Variants in ESR1 observed in about 807,000 individuals in gnomAD.
ESR1 encodes the protein estrogen receptor.
In ESR1, 12 loss-of-function variants were observed where a neutral mutation model predicts 52.7. That is an observed-to-expected ratio of 0.23 (90% CI 0.15 to 0.37). ESR1 has a LOEUF of 0.37. Among genes scored for constraint, ESR1 ranks in the 10% least tolerant of loss-of-function variants. The pLI is 1.00. For synonymous variants in ESR1, 305 were observed against 316.8 expected (o/e 0.96, Z 0.39); for missense variants, 584 against 779.7 (o/e 0.75, Z 2.99).
At chr6:152,123,302 T>G (rs2052090592) in intron 6 of ESR1, among the ~76,000 whole-genome samples, 1 of 152,212 alleles carries the variant, frequency 6.6e-6, no homozygotes, top group African/African-American at 2.4e-5. Context: ...GGAATAGCAG[T>G]GGAGTCTGTC....
chr6:151,776,214 T>C (rs912013752), intron 2 of ESR1, among the ~76,000 whole-genome samples: 4 of 152,102 alleles, frequency 2.6e-5, no homozygotes, highest in Non-Finnish European at 5.9e-5. Flanking sequence ...GTGAATAGAC[T>C]GGGGACATAG....
chr6:151,808,261 C>T lies in ESR1; in HGVS notation c.349C>T (p.Leu117=), dbSNP rs1778193103. 4.4e-6 allele frequency: 7 copies of T among 1,583,836 alleles called. No individual in the cohort carries two copies. Among genetic ancestry groups the T allele is most frequent in the Non-Finnish European group, 5.1e-6 (6 of 1,165,748 alleles). ...PLMLLHPPPQ[L]SPFLQPHGQQ... The stretch of plus-strand genomic sequence containing the variant: ...GATGCTACTGCACCCGCCGCCGCAG[C>T]TGTCGCCTTTCCTGCAGCCCCACGG... The change falls in exon 1 of 8, where the codon CTG becomes TTG. Residue 117 remains leucine, a synonymous_variant. Transcript: ENST00000206249.
Position 151,704,544 on chromosome 6 carries a change from C to T in ESR1, c.-71+2539C>T, listed in dbSNP as rs117415047. ...TGTTGGGATTACAGGCGTGAGCCAA[C>T]GCCCCTGGCCACAAAAGTCAATTCT... On this transcript the variant is annotated intron_variant, in intron 2 of 2. Coordinates refer to the ESR1 transcript ENST00000404742. Among the ~76,000 whole-genome samples the T allele has an allele frequency of 6.0e-3, 912 of 152,334 alleles. 10 individuals are homozygous for T. Among genetic ancestry groups the T allele is most frequent in the East Asian group, 0.019 (100 of 5,180 alleles).
At chr6:151,691,101 A>T (rs556249659) in intron 1 of ESR1, among the ~76,000 whole-genome samples, 3 of 152,252 alleles carry the variant, frequency 2.0e-5, no homozygotes, top group Non-Finnish European at 2.9e-5. Context: ...CTTTGGAGCC[A>T]TAACTTACGT....
At chr6:151,970,607 A>G (rs2038805640) in intron 4 of ESR1, among the ~76,000 whole-genome samples, 2 of 152,100 alleles carry the variant, frequency 1.3e-5, no homozygotes, top group Non-Finnish European at 1.5e-5. Flanking sequence ...GGAATTATTC[A>G]CACTTTATTG....
At chr6:152,051,477 C>T (rs919609182) in intron 5 of ESR1, among the ~76,000 whole-genome samples, 9 of 152,192 alleles carry the variant, frequency 5.9e-5, no homozygotes, top group Admixed American at 2.0e-4. Context: ...ACAGAATTGA[C>T]GCCTCCTCTT....
At chr6:151,662,463 T>C (rs1372901755) in intron 1 of ESR1, among the ~76,000 whole-genome samples, 1 of 151,980 alleles carries the variant, frequency 6.6e-6, no homozygotes, top group African/African-American at 2.4e-5. Context: ...CAATCAGTAG[T>C]GGGGAAATGA....
At chr6:152,012,902 A>G (rs1311463329) in intron 5 of ESR1, among the ~76,000 whole-genome samples, 1 of 152,216 alleles carries the variant, frequency 6.6e-6, no homozygotes, top group African/African-American at 2.4e-5. Context: ...TACACCTGCC[A>G]AGTGCCTGGA....
intron 3 of ESR1, among the ~76,000 whole-genome samples, chr6:151,891,299 G>A (rs982467988): frequency 2.6e-5 from 4 of 152,148 alleles, no homozygotes; most frequent in African/African-American, 9.7e-5. Context: ...TCAAGGCCAG[G>A]CAAAAATTTC....
At chr6:151,670,615 G>A (rs75770678) in intron 1 of ESR1, among the ~76,000 whole-genome samples, 1 of 152,118 alleles carries the variant, frequency 6.6e-6, no homozygotes, top group African/African-American at 2.4e-5. Context: ...AGACAGTCTT[G>A]CTCTGTCACC....
At chr6:152,062,773 C>T (rs1464143987) in intron 6 of ESR1, among the ~76,000 whole-genome samples, 1 of 152,140 alleles carries the variant, frequency 6.6e-6, no homozygotes, top group East Asian at 1.9e-4. Flanking sequence ...TAAGACTCCC[C>T]ACCCCGAACT....
At chr6:152,109,862 C>T (rs780058012) in intron 6 of ESR1, among the ~76,000 whole-genome samples, 7 of 152,248 alleles carry the variant, frequency 4.6e-5, no homozygotes, top group Non-Finnish European at 5.9e-5. Flanking sequence ...TTTCCTGCAA[C>T]GGGAGACACC....
Position 151,807,979 on chromosome 6 carries a change from C to G in ESR1, c.67C>G (p.Leu23Val), listed in dbSNP as rs1399427744. 6.2e-7 allele frequency: 1 copy of G among 1,613,892 alleles called. No individual in the cohort carries two copies. Among genetic ancestry groups the G allele is most frequent in the African/African-American group, 1.3e-5 (1 of 74,930 alleles). Reference protein sequence around the residue: ...ALLHQIQGNELEPLNRPQLKI... With the variant: ...ALLHQIQGNEVEPLNRPQLKI... Reference sequence around the variant, plus strand: ...ACTGCATCAGATCCAAGGGAACGAGCTGGAGCCCCTGAACCGTCCGCAGCT... The same window carrying G: ...ACTGCATCAGATCCAAGGGAACGAGGTGGAGCCCCTGAACCGTCCGCAGCT... The change falls in exon 1 of 8, where the codon CTG becomes GTG. Residue 23 changes from leucine (L) to valine (V), a missense_variant. Leu to Val is a conservative substitution (Grantham distance 32, BLOSUM62 1). Around this residue, in one of 6 missense-constraint regions of ESR1, gnomAD observed 251 missense variants for 246.1 expected, o/e 1.02. Coordinates refer to ENST00000206249, the MANE Select transcript of ESR1 (RefSeq NM_000125.4).
intron 4 of ESR1, among the ~76,000 whole-genome samples, chr6:151,956,839 A>T (rs3020315): frequency 1.8e-5 from 2 of 114,242 alleles, no homozygotes; most frequent in Admixed American, 8.8e-5. Flanking sequence ...TATAAATATA[A>T]ATAAATATAT....
intron 2 of ESR1, among the ~76,000 whole-genome samples, chr6:151,765,272 GA>G (rs1481026127): frequency 6.6e-6 from 1 of 151,882 alleles, no homozygotes; most frequent in Non-Finnish European, 1.5e-5. Flanking sequence ...ATTTACATTT[GA>G]AAAAAATAGA....
intron 3 of ESR1, among the ~76,000 whole-genome samples, chr6:151,883,261 A>G (rs1458546400): frequency 6.6e-6 from 1 of 150,748 alleles, no homozygotes; most frequent in Non-Finnish European, 1.5e-5. Flanking sequence ...CTGGGACTAC[A>G]GGTGTGTGCC....
exon 7 of ESR1, chr6:152,128,044 A>T (rs1243398696): frequency 6.6e-6 from 1 of 152,194 alleles, no homozygotes; most frequent in Non-Finnish European, 1.5e-5. Flanking sequence ...AATTTGCTAC[A>T]TCCGGACTAC....
In ESR1 at chr6:151,933,391, C is replaced by T. The variant is rs113056275; in HGVS notation, c.761-10782C>T. 9.8e-3 allele frequency among the ~76,000 whole-genome samples: 1,478 copies of T among 150,904 alleles called. 17 individuals are homozygous for T. Among genetic ancestry groups the T allele is most frequent in the African/African-American group, 0.029 (1,173 of 41,002 alleles). On this transcript the variant is annotated intron_variant, in intron 3 of 7. Transcript: ENST00000206249. ...GGGTTTTCTAGATATACAATCATGT[C>T]GTCTGCAAACAGGGACAATTTGACT...
At chr6:151,967,924 C>G (rs1365423825) in intron 4 of ESR1, among the ~76,000 whole-genome samples, 2 of 152,204 alleles carry the variant, frequency 1.3e-5, no homozygotes, top group Non-Finnish European at 2.9e-5. Flanking sequence ...TTGCATTTCT[C>G]TAATGATCAG....
Sources: gnomAD v4.1 joint callset for allele counts (sites outside exome capture counted in the v4.1 genomes callset) on GRCh38, gnomAD v4.1.1 for gene constraint, gnomAD v4.1.1 regional missense constraint, MANE v1.5 for transcripts, NCBI Gene and HGNC (gene_info 2026-07-23, HGNC 2026-07-21) for gene names.